FOXP1: variants seen among roughly 807,000 people sequenced by gnomAD.
FOXP1 encodes the protein forkhead box protein P1.
FOXP1 carries 15 observed loss-of-function variants against 98.2 expected under a neutral mutation model. The ratio of observed to expected loss-of-function variants is 0.15; its 90% CI spans 0.10 to 0.24. The LOEUF is 0.24. Ranked by LOEUF, FOXP1 falls within the 10% of genes least tolerant of loss-of-function variation. The probability of loss-of-function intolerance (pLI) is 1.00; values close to 1 mark genes in which losing one functional copy is unlikely to be tolerated. For missense variants in FOXP1, 633 were observed against 848.5 expected (o/e 0.75, Z 3.15); for synonymous variants, 371 against 314.5 (o/e 1.18, Z -1.90).
rs190547867 is a variant in FOXP1 at position 70,999,092 on chromosome 3, C to T, written c.1062+1880G>A. ...AATTCTGGTAGGAAGGTAGTTTATT[C>T]TTTCTCTTTTTTTTTGAGATGGAGT... On this transcript the variant is annotated intron_variant, in intron 13 of 20. Transcript: ENST00000649528. 1.4e-3 allele frequency among the ~76,000 whole-genome samples: 210 copies of T among 152,114 alleles called. 2 individuals carry two copies. Among genetic ancestry groups the T allele is most frequent in the African/African-American group, 4.9e-3 (202 of 41,502 alleles).
intron 13 of FOXP1, among the ~76,000 whole-genome samples, chr3:70,995,250 C>T (rs1236009743): frequency 6.6e-6 from 1 of 152,174 alleles, no homozygotes; most frequent in Non-Finnish European, 1.5e-5. Context: ...CCCAATATCG[C>T]GGAAGCTTCA....
chr3:71,275,872 C>T (rs1225204121), intron 5 of FOXP1, among the ~76,000 whole-genome samples: 1 of 152,110 alleles, frequency 6.6e-6, no homozygotes, highest in African/African-American at 2.4e-5. Context: ...TTGTGTTTCC[C>T]CGTCCTTTCC....
Position 71,046,953 on chromosome 3 carries a change from G to T in FOXP1, c.653C>A (p.Pro218His). The T allele has an allele frequency of 6.2e-7, 1 of 1,614,098 alleles. No individual in the cohort carries two copies. The highest frequency in any genetic ancestry group is 8.5e-7 in the Non-Finnish European group (1 of 1,179,966). Reference sequence around the variant, plus strand: ...AAATCAACGCATACCTTGAGCAAGAGGTTGAAGGGGAAGGGCAGGCTGCCC... The same window carrying T: ...AAATCAACGCATACCTTGAGCAAGATGTTGAAGGGGAAGGGCAGGCTGCCC... ...QPGQPALPLQ[P>H]LAQGMIPTEL... Residue 218 changes from proline to histidine, a missense_variant, in exon 10 of 21, where the codon CCT becomes CAT. Around this residue, in one of 6 missense-constraint regions of FOXP1, gnomAD observed 210 missense variants for 270.6 expected, o/e 0.78. Transcript: ENST00000649528.
At position 71,313,185 on chromosome 3, in the gene FOXP1, G is replaced by A. The variant is rs1421586991; in HGVS notation, c.-72-13305C>T. Among the ~76,000 whole-genome samples the A allele has an allele frequency of 4.7e-5, 7 of 147,628 alleles. No individual in the cohort carries two copies. The East Asian group carries it at 8.2e-4, about 17-fold the overall frequency. On this transcript the variant is annotated intron_variant, in intron 4 of 20. Transcript: ENST00000649528. ...TGCCATTCTCCTGCCTCAGCCTCCC[G>A]AGTAGCTAGGAATACAGGCGCCCGC... is the stretch of plus-strand genomic sequence containing the variant.
intron 2 of FOXP1, among the ~76,000 whole-genome samples, chr3:71,521,070 A>C (rs1317916743): frequency 6.6e-6 from 1 of 152,204 alleles, no homozygotes; most frequent in Non-Finnish European, 1.5e-5. Context: ...TGAAGATGAC[A>C]GAGAAATACA....
chr3:71,439,268 T>C (rs551986525), intron 3 of FOXP1, among the ~76,000 whole-genome samples: 1 of 152,326 alleles, frequency 6.6e-6, no homozygotes, highest in South Asian at 2.1e-4. Context: ...CGATTGCCTT[T>C]TCCTGGTTCC....
intron 2 of FOXP1, among the ~76,000 whole-genome samples, chr3:71,566,784 C>T (rs1385099076): frequency 6.6e-6 from 1 of 152,184 alleles, no homozygotes; most frequent in African/African-American, 2.4e-5. Flanking sequence ...GCTGGGCTGA[C>T]ACCAGTGCCC....
chr3:71,450,852 T>C (rs1312589000), intron 3 of FOXP1, among the ~76,000 whole-genome samples: 1 of 152,148 alleles, frequency 6.6e-6, no homozygotes, highest in African/African-American at 2.4e-5. Flanking sequence ...TGCCTACATT[T>C]TATGTTTTGG....
At chr3:70,960,339 C>T (rs749822057) in intron 20 of FOXP1, among the ~76,000 whole-genome samples, 3 of 152,140 alleles carry the variant, frequency 2.0e-5, no homozygotes, top group Non-Finnish European at 4.4e-5. Context: ...ACATGAGGCC[C>T]GGCTGGTAGC....
At chr3:71,236,182 A>G (rs1009275357) in intron 5 of FOXP1, among the ~76,000 whole-genome samples, 2 of 152,236 alleles carry the variant, frequency 1.3e-5, no homozygotes, top group African/African-American at 4.8e-5. Flanking sequence ...GGTATAGAAT[A>G]GAAACATTTT....
At chr3:71,519,411 T>C (rs999594542) in intron 2 of FOXP1, among the ~76,000 whole-genome samples, 2 of 152,222 alleles carry the variant, frequency 1.3e-5, no homozygotes, top group African/African-American at 4.8e-5. Context: ...TCCTATTCTC[T>C]GCCATGAAGA....
chr3:71,576,856 C>T (rs1332762240), intron 2 of FOXP1, among the ~76,000 whole-genome samples: 2 of 152,162 alleles, frequency 1.3e-5, no homozygotes, highest in Admixed American at 1.3e-4. Flanking sequence ...CCCTTTCAGG[C>T]ACTCGTTCTC....
intron 2 of FOXP1, among the ~76,000 whole-genome samples, chr3:71,531,057 T>A (rs571745837): frequency 6.6e-6 from 1 of 152,370 alleles, no homozygotes; most frequent in East Asian, 1.9e-4. Flanking sequence ...GTTTCTCACT[T>A]CCTTATGTTT....
intron 9 of FOXP1, among the ~76,000 whole-genome samples, chr3:71,051,239 T>C (rs925300155): frequency 6.6e-6 from 1 of 152,200 alleles, no homozygotes; most frequent in Non-Finnish European, 1.5e-5. Context: ...CCCTTTTTTA[T>C]TATAGCAGCA....
intron 7 of FOXP1, among the ~76,000 whole-genome samples, chr3:71,077,755 T>A (rs2053955097): frequency 6.6e-6 from 1 of 152,120 alleles, no homozygotes; most frequent in Non-Finnish European, 1.5e-5. Context: ...AACGAATGAA[T>A]GTTTTCTATT....
chr3:71,408,543 C>A (rs528400978), intron 3 of FOXP1, among the ~76,000 whole-genome samples: 37 of 152,112 alleles, frequency 2.4e-4, no homozygotes, highest in Non-Finnish European at 3.4e-4. Flanking sequence ...TGGGCCGATA[C>A]CAACAATTTG....
At chr3:71,267,746 A>C (rs1280210738) in intron 5 of FOXP1, among the ~76,000 whole-genome samples, 1 of 152,180 alleles carries the variant, frequency 6.6e-6, no homozygotes, top group Non-Finnish European at 1.5e-5. Context: ...GGCCAGGCGC[A>C]GTGGCTCATG....
At chr3:71,284,005 G>A (rs1190627833) in intron 5 of FOXP1, among the ~76,000 whole-genome samples, 2 of 151,976 alleles carry the variant, frequency 1.3e-5, no homozygotes, top group African/African-American at 4.8e-5. Context: ...ACAGCCTAAA[G>A]AAACAAATAC....
At chr3:71,302,382 C>T (rs539904427) in intron 4 of FOXP1, among the ~76,000 whole-genome samples, 2 of 151,984 alleles carry the variant, frequency 1.3e-5, no homozygotes, top group South Asian at 2.1e-4. Context: ...TACAACTTCC[C>T]TTTCCAATAC....
Sources: allele counts gnomAD v4.1 joint callset (sites outside exome capture counted in the v4.1 genomes callset), GRCh38; gene constraint gnomAD v4.1.1; regional missense constraint gnomAD v4.1.1; transcripts MANE v1.5; gene names NCBI Gene and HGNC (gene_info 2026-07-23, HGNC 2026-07-21).